PCDHGA6: variants seen among roughly 807,000 people sequenced by gnomAD.
PCDHGA6 encodes the protein protocadherin gamma subfamily A, 6.
In PCDHGA6, 41 loss-of-function variants were observed where a neutral mutation model predicts 60.6. The ratio of observed to expected loss-of-function variants is 0.68; its 90% CI spans 0.53 to 0.88. The LOEUF is 0.88. Ranked by LOEUF, PCDHGA6 falls within the 40% of genes least tolerant of loss-of-function variation. The pLI, the probability that PCDHGA6 is intolerant of heterozygous loss-of-function variation, is 0.00. For synonymous variants in PCDHGA6, 594 were observed against 524.4 expected, an observed-to-expected ratio of 1.13 and a Z score of -1.81; for missense variants, 1,312 against 1,203.0, an observed-to-expected ratio of 1.09 and a Z score of -1.34.
At chr5:141,439,124 CAG>C (rs2098089371) in intron 1 of PCDHGA6, among the ~76,000 whole-genome samples, 1 of 150,004 alleles carries the variant, frequency 6.7e-6, no homozygotes, top group Non-Finnish European at 1.5e-5. Flanking sequence ...ACCCGGGAGA[CAG>C]AGGTTGCAGT....
In PCDHGA6 at chr5:141,432,373, G is replaced by T; in HGVS notation, c.2424+55866G>T. ...TGAAAGTGATGGCGCGGGACAACGG[G>T]CACCCGCCCCTCAGCAGCAACGTGT... is the stretch of plus-strand genomic sequence containing the variant. On this transcript the variant is annotated intron_variant, in intron 1 of 3. Coordinates refer to ENST00000517434, the MANE Select transcript of PCDHGA6 (RefSeq NM_018919.3). This position sits in a 1 kb window ranked among gnomAD's most constrained non-coding sequence, Gnocchi z 6.0. The T allele has an allele frequency of 6.2e-7, 1 of 1,614,206 alleles. No homozygotes were observed. The highest frequency in any genetic ancestry group is 1.1e-5 in the South Asian group (1 of 91,082).
At position 141,431,590 on chromosome 5, in the gene PCDHGA6, G is replaced by A; in HGVS notation, c.2424+55083G>A. On this transcript the variant is annotated intron_variant, in intron 1 of 3. Transcript: ENST00000517434. The surrounding 1 kb of genome is among the most constrained non-coding windows in gnomAD (Gnocchi z 4.8). ...CTGACGAAGGAGTCAATGCGGAAGT[G>A]AGGTATTCCTTCCGGTATGTGGACG... 1.2e-6 allele frequency: 2 copies of A among 1,614,240 alleles called. No homozygotes were observed. Among genetic ancestry groups the A allele is most frequent in the South Asian group, 1.1e-5 (1 of 91,090 alleles).
intron 1 of PCDHGA6, among the ~76,000 whole-genome samples, chr5:141,382,372 T>C (rs1402923188): frequency 6.6e-6 from 1 of 152,242 alleles, no homozygotes; most frequent in Non-Finnish European, 1.5e-5. Context: ...TTTACCTTTT[T>C]GCCTTCAATA....
In PCDHGA6 at chr5:141,375,700, C is replaced by T. The variant is rs746996990; in HGVS notation, c.1617C>T (p.Asp539=). Residue 539 remains aspartate (D), a synonymous_variant, in exon 1 of 4, where the codon GAC becomes GAT. Coordinates refer to ENST00000517434, the MANE Select transcript of PCDHGA6 (RefSeq NM_018919.3). The stretch of plus-strand genomic sequence containing the variant: ...GGGTGACAGCCAGCGACAGCGGGGA[C>T]CCGCCTCTTAGCAGCAACGTGTCAC... ...QLWVTASDSG[D]PPLSSNVSLS... 9 of 1,614,270 alleles carry T rather than the reference C, an allele frequency of 5.6e-6. No homozygotes were observed. The highest frequency in any genetic ancestry group is 3.3e-4 in the Middle Eastern group (2 of 6,062).
intron 1 of PCDHGA6, among the ~76,000 whole-genome samples, chr5:141,449,891 A>G (rs2098658520): frequency 6.6e-6 from 1 of 151,872 alleles, no homozygotes; most frequent in Non-Finnish European, 1.5e-5. Flanking sequence ...CAATATAATT[A>G]TTTAGCCTAT....
In PCDHGA6 at chr5:141,438,615, TATATATATATATATATATATACACAC is replaced by T. The variant is rs1337184558; in HGVS notation, c.2425-56190_2425-56165del. ...ACATATATATATATATATATATATATATATATATATATATATATATACACACACACACACACATATATGTATATATA... is the reference window on the plus strand; with the variant it reads ...ACATATATATATATATATATATATATACACACACACATATATGTATATATA... On this transcript the variant is annotated intron_variant, in intron 1 of 3. Coordinates refer to ENST00000517434, the MANE Select transcript of PCDHGA6 (RefSeq NM_018919.3). 3.6e-3 allele frequency among the ~76,000 whole-genome samples: 130 copies of T among 35,912 alleles called. 2 individuals are homozygous for T. Among genetic ancestry groups the T allele is most frequent in the African/African-American group, 0.022 (107 of 4,918 alleles). The allele number at this position is 35,912 out of a possible 152,430, so 23.6% of individuals were successfully genotyped here.
chr5:141,464,079 A>G (rs996899520), intron 1 of PCDHGA6, among the ~76,000 whole-genome samples: 3 of 152,124 alleles, frequency 2.0e-5, no homozygotes, highest in Non-Finnish European at 4.4e-5. Flanking sequence ...AGCCTGGCCA[A>G]CATGGTGAAA....
At chr5:141,409,357 T>C (rs754237134) in intron 1 of PCDHGA6, 4 of 1,613,968 alleles carry the variant, frequency 2.5e-6, no homozygotes, top group Non-Finnish European at 2.5e-6. Flanking sequence ...TCAGGTGTAA[T>C]ATAGAAACAG....
At chr5:141,423,619 T>C (rs1389600826) in intron 1 of PCDHGA6, 1 of 1,608,090 alleles carries the variant, frequency 6.2e-7, no homozygotes. Context: ...AGCTGAAGAC[T>C]CAGCTATCAT....
chr5:141,429,572 T>C (rs1450720834), intron 1 of PCDHGA6, among the ~76,000 whole-genome samples: 1 of 152,226 alleles, frequency 6.6e-6, no homozygotes, highest in South Asian at 2.1e-4. Context: ...TTCAGTTACA[T>C]TTACTTTTGA....
rs538734954 is a variant in PCDHGA6 at position 141,494,863 on chromosome 5, C to T, written c.2481C>T (p.Ser827=). The change falls in exon 2 of 4, where the codon AGC becomes AGT. Residue 827 remains serine, a splice_region_variant and synonymous_variant. Coordinates refer to ENST00000517434, the MANE Select transcript of PCDHGA6 (RefSeq NM_018919.3). The part of the protein sequence containing the change: ...RFSQAQRPGT[S]GSQNGDDTGT... ...CTCAGGCCCAGAGACCCGGCACCAG[C>T]GGGTAGGTGACTGATTCTCCAGCCC... 2 of 1,614,118 alleles carry T rather than the reference C, an allele frequency of 1.2e-6. No individual in the cohort carries two copies. Among genetic ancestry groups the T allele is most frequent in the East Asian group, 2.2e-5 (1 of 44,874 alleles).
intron 1 of PCDHGA6, chr5:141,388,092 T>C: frequency 8.7e-6 from 12 of 1,373,060 alleles, no homozygotes; most frequent in Non-Finnish European, 1.2e-5. Flanking sequence ...GCGCGTCAGT[T>C]CGGAGAAGCC....
intron 1 of PCDHGA6, among the ~76,000 whole-genome samples, chr5:141,473,907 C>T (rs552055360): frequency 2.0e-4 from 30 of 152,220 alleles, no homozygotes; most frequent in African/African-American, 7.2e-4. Context: ...ATGAAGAGGT[C>T]TTAAGAAAAC....
intron 1 of PCDHGA6, chr5:141,408,110 T>G: frequency 2.8e-6 from 4 of 1,445,204 alleles, no homozygotes; most frequent in Non-Finnish European, 2.7e-6. Context: ...GACCCGGGAC[T>G]CCTCCTGTCC....
rs1053018756 is a variant in PCDHGA6, at chr5:141,497,630, G to T, written c.2483+2765G>T. ...TCTTGGCTCACTGCAACCTCTGCCT[G>T]CCAGGTTCAAGCGATTCTCCTGCCT... is the stretch of plus-strand genomic sequence containing the variant. On this transcript the variant is annotated intron_variant, in intron 2 of 3. Coordinates refer to ENST00000517434, the MANE Select transcript of PCDHGA6 (RefSeq NM_018919.3). 3.3e-5 allele frequency among the ~76,000 whole-genome samples: 5 copies of T among 150,256 alleles called. No homozygotes were observed. The Admixed American group carries it at 3.3e-4, about 10-fold the overall frequency.
At chr5:141,469,044 A>C (rs1247890388) in intron 1 of PCDHGA6, among the ~76,000 whole-genome samples, 1 of 152,128 alleles carries the variant, frequency 6.6e-6, no homozygotes, top group East Asian at 1.9e-4. Context: ...TGGGAGGCCA[A>C]GGTGGGAGGA....
At chr5:141,412,527 A>G (rs1017506409) in intron 1 of PCDHGA6, 3 of 152,186 alleles carry the variant, frequency 2.0e-5, no homozygotes, top group Admixed American at 1.3e-4. Context: ...AGTAGTTACA[A>G]TTATAAAGCT....
In PCDHGA6 at chr5:141,382,679, C is replaced by T. The variant is rs184405216; in HGVS notation, c.2424+6172C>T. On this transcript the variant is annotated intron_variant, in intron 1 of 3. Transcript: ENST00000517434. ...ACTCACAGCGCCGCTGTTCACCAAC[C>T]AGGGAAAAATGGTGCGAGAGATCCC... 912 of 439,966 alleles carry T rather than the reference C, an allele frequency of 2.1e-3. 11 individuals carry two copies. Among genetic ancestry groups the T allele is most frequent in the Non-Finnish European group, 1.1e-3 (277 of 250,538 alleles). 27.3% of individuals were successfully genotyped at this position (439,966 alleles called of 1,614,324 possible). A position where few individuals can be genotyped will look rare whatever the true frequency, so the allele number is the denominator to read the frequency against.
In PCDHGA6 at chr5:141,374,909, G is replaced by A. The variant is rs1357561534; in HGVS notation, c.826G>A (p.Glu276Lys). ...CGACCAGGATGAAGGAGTCCACGGGGAAGTAACTTATTCCTTTGTGAAGAT... is the reference window on the plus strand; with the variant it reads ...CGACCAGGATGAAGGAGTCCACGGGAAAGTAACTTATTCCTTTGTGAAGAT... The part of the protein sequence containing the change: ...ATDQDEGVHG[E>K]VTYSFVKITE... The change falls in exon 1 of 4, where the codon GAA becomes AAA. Residue 276 changes from glutamate to lysine, a missense_variant. Coordinates refer to ENST00000517434, the MANE Select transcript of PCDHGA6 (RefSeq NM_018919.3). 1 of 1,613,824 alleles carries A rather than the reference G, an allele frequency of 6.2e-7. No homozygotes were observed. Among genetic ancestry groups the A allele is most frequent in the East Asian group, 2.2e-5 (1 of 44,892 alleles).
Sources: allele counts gnomAD v4.1 joint callset (sites outside exome capture counted in the v4.1 genomes callset), GRCh38; gene constraint gnomAD v4.1.1; non-coding constraint Gnocchi (gnomAD v3.1); transcripts MANE v1.5; gene names NCBI Gene and HGNC (gene_info 2026-07-23, HGNC 2026-07-21).